The following GLIS1 variants were observed in gnomAD, a reference collection of about 807,000 sequenced individuals.
The protein encoded by GLIS1 is zinc finger protein GLIS1.
A neutral mutation model predicts 63.8 loss-of-function variants in GLIS1; 24 were observed. That is an observed-to-expected ratio of 0.38 (90% CI 0.27 to 0.53). GLIS1 has a LOEUF of 0.53. GLIS1 is among the 20% of genes least tolerant of loss of function. The pLI, the probability that GLIS1 is intolerant of heterozygous loss-of-function variation, is 0.85. For missense variants in GLIS1, 1,036 were observed against 1,074.1 expected, an observed-to-expected ratio of 0.96 and a Z score of 0.50; for synonymous variants, 450 against 482.5, an observed-to-expected ratio of 0.93 and a Z score of 0.88.
At chr1:53,666,932 T>C (rs1646099987) in intron 2 of GLIS1, among the ~76,000 whole-genome samples, 1 of 152,188 alleles carries the variant, frequency 6.6e-6, no homozygotes, top group South Asian at 2.1e-4. Flanking sequence ...CCTGCAGCTG[T>C]TTCATCTTTG....
intron 4 of GLIS1, among the ~76,000 whole-genome samples, chr1:53,573,624 T>C (rs1455674956): frequency 6.6e-6 from 1 of 152,082 alleles, no homozygotes; most frequent in Non-Finnish European, 1.5e-5. Context: ...CGTTCAACCA[T>C]ACAAATGTGC....
intron 2 of GLIS1, among the ~76,000 whole-genome samples, chr1:53,673,217 T>G (rs183266495): frequency 6.6e-6 from 1 of 152,332 alleles, no homozygotes; most frequent in East Asian, 1.9e-4. Context: ...GCCCACAGAA[T>G]TTTTGTTGTT....
chr1:53,670,196 C>G (rs544716351), intron 2 of GLIS1, among the ~76,000 whole-genome samples: 1 of 152,318 alleles, frequency 6.6e-6, no homozygotes, highest in Admixed American at 6.5e-5. Context: ...AATGCTCCCC[C>G]AGCCCGAACC....
At chr1:53,626,085 C>T (rs560083508) in intron 2 of GLIS1, among the ~76,000 whole-genome samples, 220 of 152,286 alleles carry the variant, frequency 1.4e-3, no homozygotes, top group Non-Finnish European at 2.6e-3. Flanking sequence ...CCACCAGGCC[C>T]GGAGTGAGGG....
At chr1:53,554,314 G>A (rs1004264518) in intron 4 of GLIS1, among the ~76,000 whole-genome samples, 1 of 152,214 alleles carries the variant, frequency 6.6e-6, no homozygotes, top group Non-Finnish European at 1.5e-5. Flanking sequence ...TGAGTCACGA[G>A]TAGAGACAGC....
chr1:53,664,172 C>T (rs1323099716), intron 2 of GLIS1, among the ~76,000 whole-genome samples: 2 of 152,110 alleles, frequency 1.3e-5, no homozygotes, highest in East Asian at 1.9e-4. Context: ...TTCTGGTGTG[C>T]CCCCACCCCA....
chr1:53,547,705 T>C (rs1450804186), intron 4 of GLIS1, among the ~76,000 whole-genome samples: 2 of 152,222 alleles, frequency 1.3e-5, no homozygotes, highest in African/African-American at 4.8e-5. Flanking sequence ...CATTCTGGAA[T>C]ACAAACTTGG....
intron 2 of GLIS1, among the ~76,000 whole-genome samples, chr1:53,716,918 C>A (rs1482106670): frequency 1.3e-5 from 2 of 152,182 alleles, no homozygotes; most frequent in African/African-American, 2.4e-5. Flanking sequence ...ATGGGAAAAA[C>A]CCCACATCAA....
At chr1:53,650,435 C>T (rs1241358968) in intron 2 of GLIS1, among the ~76,000 whole-genome samples, 1 of 152,056 alleles carries the variant, frequency 6.6e-6, no homozygotes, top group Non-Finnish European at 1.5e-5. Flanking sequence ...ACTAAAAACA[C>T]AAAAATTAGA....
At chr1:53,681,702 C>T (rs993089442) in intron 2 of GLIS1, among the ~76,000 whole-genome samples, 5 of 152,220 alleles carry the variant, frequency 3.3e-5, no homozygotes, top group Non-Finnish European at 7.3e-5. Context: ...TGGTAACCAC[C>T]CCACAAAGAC....
intron 4 of GLIS1, among the ~76,000 whole-genome samples, chr1:53,575,269 GC>G (rs572489263): frequency 3.3e-5 from 5 of 152,030 alleles, no homozygotes; most frequent in Admixed American, 3.3e-4. Flanking sequence ...CACGCCTCAC[GC>G]CCCCCTGCTT....
chr1:53,695,851 G>T (rs181177019), intron 2 of GLIS1, among the ~76,000 whole-genome samples: 1 of 152,248 alleles, frequency 6.6e-6, no homozygotes, highest in Non-Finnish European at 1.5e-5. Context: ...CTCTTCATCT[G>T]TTAAGATGGA....
chr1:53,628,515 C>T (rs576879218), intron 2 of GLIS1, among the ~76,000 whole-genome samples: 2 of 152,280 alleles, frequency 1.3e-5, no homozygotes, highest in South Asian at 4.1e-4. Context: ...CAGGCTTACA[C>T]CTGAGTACCA....
intron 2 of GLIS1, among the ~76,000 whole-genome samples, chr1:53,678,063 C>T (rs949386431): frequency 2.6e-5 from 4 of 152,130 alleles, no homozygotes; most frequent in Non-Finnish European, 4.4e-5. Context: ...CTGGCACCAC[C>T]GGCTCCTTGG....
At chr1:53,566,988 G>A (rs1170330083) in intron 4 of GLIS1, among the ~76,000 whole-genome samples, 1 of 152,150 alleles carries the variant, frequency 6.6e-6, no homozygotes, top group South Asian at 2.1e-4. Context: ...CTGAAAATGT[G>A]GAAACAACTT....
chr1:53,647,725 G>C (rs545666258), intron 2 of GLIS1, among the ~76,000 whole-genome samples: 1 of 152,178 alleles, frequency 6.6e-6, no homozygotes, highest in South Asian at 2.1e-4. Flanking sequence ...TAAAAGTAAA[G>C]ATGAATAAAC....
intron 2 of GLIS1, among the ~76,000 whole-genome samples, chr1:53,672,214 T>C (rs547578851): frequency 6.6e-6 from 1 of 152,334 alleles, no homozygotes; most frequent in African/African-American, 2.4e-5. Context: ...TGATGGGGCC[T>C]GAGAGTAGAG....
At chr1:53,669,757 C>T (rs1468400545) in intron 2 of GLIS1, among the ~76,000 whole-genome samples, 2 of 152,180 alleles carry the variant, frequency 1.3e-5, no homozygotes, top group African/African-American at 4.8e-5. Context: ...ACTGGGACTC[C>T]CTGAAAGCAG....
At chr1:53,576,694 A>G (rs1645035046) in intron 4 of GLIS1, among the ~76,000 whole-genome samples, 1 of 152,072 alleles carries the variant, frequency 6.6e-6, no homozygotes, top group African/African-American at 2.4e-5. Context: ...GAAGGCAATG[A>G]CCACAACGTG....
Sources: allele counts gnomAD v4.1 joint callset (sites outside exome capture counted in the v4.1 genomes callset), GRCh38; gene constraint gnomAD v4.1.1; transcripts MANE v1.5; gene names NCBI Gene and HGNC (gene_info 2026-07-23, HGNC 2026-07-21).